Variants in SOS1 observed in about 807,000 individuals in gnomAD.
The protein encoded by SOS1 is son of sevenless homolog 1.
Under a neutral mutation model 157.6 loss-of-function variants are expected in SOS1, and 25 were observed. The ratio of observed to expected loss-of-function variants is 0.16; its 90% CI spans 0.12 to 0.22. The LOEUF is 0.22. Among genes scored for constraint, SOS1 ranks in the 10% least tolerant of loss-of-function variants. SOS1 has a pLI of 1.00. For missense variants in SOS1, 1,237 were observed against 1,599.1 expected, an observed-to-expected ratio of 0.77 and a Z score of 3.86; for synonymous variants, 528 against 534.0, an observed-to-expected ratio of 0.99 and a Z score of 0.16.
chr2:38,988,292 A>T (rs976355893), intron 21 of SOS1, among the ~76,000 whole-genome samples: 17 of 152,332 alleles, frequency 1.1e-4, no homozygotes, highest in African/African-American at 3.4e-4. Context: ...TGATTTAAGA[A>T]TAAGTTGGTG....
intron 6 of SOS1, among the ~76,000 whole-genome samples, chr2:39,046,638 G>A (rs1670795317): frequency 6.6e-6 from 1 of 151,836 alleles, no homozygotes; most frequent in Non-Finnish European, 1.5e-5. Context: ...CCAAGTAGCT[G>A]GGACTACAGG....
chr2:39,073,083 T>C (rs935126019), intron 1 of SOS1, among the ~76,000 whole-genome samples: 2 of 152,216 alleles, frequency 1.3e-5, no homozygotes, highest in African/African-American at 4.8e-5. Flanking sequence ...GAGATAGTGT[T>C]ACAGCCAAAG....
chr2:38,999,542 A>G (rs1669020369), intron 17 of SOS1, among the ~76,000 whole-genome samples: 2 of 152,246 alleles, frequency 1.3e-5, no homozygotes, highest in Non-Finnish European at 2.9e-5. Flanking sequence ...CACCTGGGCT[A>G]TGCCTGATGA....
chr2:39,067,619 T>C lies in SOS1; in HGVS notation c.213+9A>G, dbSNP rs553097014. 6 of 1,612,284 alleles carry C rather than the reference T, an allele frequency of 3.7e-6. No homozygotes were observed. Among genetic ancestry groups the C allele is most frequent in the East Asian group, 4.5e-5 (2 of 44,832 alleles). On this transcript the variant is annotated intron_variant, in intron 2 of 22. Transcript: ENST00000402219. ...ATATAAAGTAAATACAAGACAACAT[T>C]TGTCATACCTCTACATCTGAAGCAC...
At chr2:39,122,100 A>G (rs1163039279), upstream of SOS1, among the ~76,000 whole-genome samples, 1 of 152,194 alleles carries the variant, frequency 6.6e-6, no homozygotes, top group African/African-American at 2.4e-5. Context: ...CTCTTTGAAA[A>G]TCTGGAAAAA....
In SOS1 at chr2:38,982,000, G is replaced by T. The variant is rs1350769370; in HGVS notation, c.*3824C>A. On this transcript the variant is annotated 3_prime_UTR_variant, in exon 23 of 23. Transcript: ENST00000402219. ...ATTAAAGGCACATTTGGCAGCTACT[G>T]AAAGTGGCATGCATCTGGCACAGGT... The T allele has an allele frequency of 1.3e-5, 2 of 152,152 alleles. No homozygotes were observed. Among genetic ancestry groups the T allele is most frequent in the Non-Finnish European group, 2.9e-5 (2 of 68,034 alleles). 9.4% of individuals were successfully genotyped at this position (152,152 alleles called of 1,614,324 possible). A position where few individuals can be genotyped will look rare whatever the true frequency, so the allele number is the denominator to read the frequency against.
intron 8 of SOS1, among the ~76,000 whole-genome samples, chr2:39,030,183 AAAT>A (rs1670107749): frequency 1.3e-5 from 2 of 150,752 alleles, no homozygotes. Context: ...AAATAAATAA[AAAT>A]AAAAAATATA....
intron 1 of SOS1, among the ~76,000 whole-genome samples, chr2:39,079,239 A>C (rs1672121951): frequency 6.6e-6 from 1 of 152,260 alleles, no homozygotes; most frequent in Admixed American, 6.5e-5. Context: ...ACATAAATGA[A>C]ATCTCCAAAA....
chr2:38,993,233 C>T (rs1173120452), intron 20 of SOS1, among the ~76,000 whole-genome samples: 1 of 152,102 alleles, frequency 6.6e-6, no homozygotes, highest in Non-Finnish European at 1.5e-5. Flanking sequence ...GATCACAGCT[C>T]ATTGCAGCCT....
chr2:39,089,455 C>G (rs1672499173), intron 1 of SOS1, among the ~76,000 whole-genome samples: 1 of 146,168 alleles, frequency 6.8e-6, no homozygotes, highest in Non-Finnish European at 1.5e-5. Context: ...TTGCTTGAGC[C>G]TGGGAGGTGG....
At chr2:39,040,806 G>A (rs1670543653) in intron 6 of SOS1, among the ~76,000 whole-genome samples, 1 of 152,076 alleles carries the variant, frequency 6.6e-6, no homozygotes, top group African/African-American at 2.4e-5. Flanking sequence ...TATAAATGTT[G>A]GCATACAAGT....
At chr2:39,123,662 T>A (rs1673974501), upstream of SOS1, among the ~76,000 whole-genome samples, 1 of 152,120 alleles carries the variant, frequency 6.6e-6, no homozygotes, top group African/African-American at 2.4e-5. Context: ...CCGGCCGAGA[T>A]CAACAATCTT....
At position 39,067,731 on chromosome 2, in the gene SOS1, G is replaced by A. The variant is rs1295255931; in HGVS notation, c.110C>T (p.Thr37Ile). The change falls in exon 2 of 23, where the codon ACT becomes ATT. Residue 37 changes from threonine (T) to isoleucine (I), a missense_variant. Coordinates refer to ENST00000402219, the MANE Select transcript of SOS1 (RefSeq NM_005633.4). ...AAGAGCATCATCATTAGACTCGAGA[G>A]TAGGATGAACTTGCCCCTGGACCTA... is the stretch of plus-strand genomic sequence containing the variant. ...LKKVQGQVHP[T>I]LESNDDALQY... 1.9e-6 allele frequency: 3 copies of A among 1,612,588 alleles called. No individual in the cohort carries two copies. The highest frequency in any genetic ancestry group is 2.2e-5 in the East Asian group (1 of 44,852).
intron 1 of SOS1, among the ~76,000 whole-genome samples, chr2:39,119,930 T>C (rs922186664): frequency 3.2e-4 from 48 of 152,070 alleles, no homozygotes; most frequent in Non-Finnish European, 8.8e-5. Context: ...CAGGGCATTC[T>C]CAAGCCACTA....
chr2:39,033,533 GTTGTT>G (rs1379015668), intron 8 of SOS1, among the ~76,000 whole-genome samples: 2 of 151,928 alleles, frequency 1.3e-5, no homozygotes, highest in African/African-American at 2.4e-5. Flanking sequence ...GGAGGGGAAG[GTTGTT>G]TTGTTTTGTA....
intron 6 of SOS1, among the ~76,000 whole-genome samples, chr2:39,044,861 C>CGT (rs1404552648): frequency 1.3e-3 from 58 of 42,984 alleles, no homozygotes; most frequent in Non-Finnish European, 2.4e-3. Flanking sequence ...TGCGCGCGCG[C>CGT]GCGCACACAC....
intron 8 of SOS1, among the ~76,000 whole-genome samples, chr2:39,028,337 T>C (rs1299031294): frequency 1.3e-5 from 2 of 152,052 alleles, no homozygotes; most frequent in African/African-American, 2.4e-5. Flanking sequence ...ACAATGAATA[T>C]AAAGAATATA....
rs1016508514 is a variant in SOS1, at chr2:38,989,203, A to T, written c.3391+67T>A. On this transcript the variant is annotated intron_variant, in intron 21 of 22. Transcript: ENST00000402219. ...GACCCAAGAAGAGTTTTAGCAGGAA[A>T]GGTTACACTTGGTTTGATTTTTAAA... 146 of 1,085,332 alleles carry T rather than the reference A, an allele frequency of 1.3e-4. 2 individuals are homozygous for T. The Middle Eastern group carries it at 2.9e-3, about 22-fold the overall frequency. 67.2% of individuals were successfully genotyped at this position (1,085,332 alleles called of 1,614,324 possible). A position where few individuals can be genotyped will look rare whatever the true frequency, so the allele number is the denominator to read the frequency against.
At chr2:39,076,992 T>C (rs72906442) in intron 1 of SOS1, among the ~76,000 whole-genome samples, 5,413 of 152,226 alleles carry the variant, frequency 0.036, 302 homozygotes, top group African/African-American at 0.11. Flanking sequence ...TTTTTAATGA[T>C]AGTTGCAAAA....
Sources: gnomAD v4.1 joint callset for allele counts (sites outside exome capture counted in the v4.1 genomes callset) on GRCh38, gnomAD v4.1.1 for gene constraint, MANE v1.5 for transcripts, NCBI Gene and HGNC (gene_info 2026-07-23, HGNC 2026-07-21) for gene names.